The following MIPEP variants were observed in gnomAD, a reference collection of about 807,000 sequenced individuals.
MIPEP encodes mitochondrial intermediate peptidase.
A neutral mutation model predicts 90.3 loss-of-function variants in MIPEP; 79 were observed. The observed-to-expected ratio is 0.87, with a 90% CI of 0.73 to 1.05. The LOEUF (loss-of-function observed/expected upper bound fraction) is 1.05, where lower values mean the gene tolerates loss of function less well. Ranked by LOEUF, MIPEP falls within the 50% of genes least tolerant of loss-of-function variation. The pLI is 0.00. For synonymous variants in MIPEP, 334 were observed against 315.8 expected (o/e 1.06, Z -0.61); for missense variants, 940 against 905.6 (o/e 1.04, Z -0.49).
rs1413842989 is a variant in MIPEP, at chr13:23,886,851, A to T, written c.190-345T>A. 1.1e-4 allele frequency among the ~76,000 whole-genome samples: 16 copies of T among 152,090 alleles called. No individual in the cohort carries two copies. The East Asian group carries it at 2.7e-3, about 26-fold the overall frequency. On this transcript the variant is annotated intron_variant, in intron 1 of 18. Transcript: ENST00000382172. ...TATGTAAATATATATATATATATAC[A>T]TAAAGCAGTGTTTGGCACAGAGCAT...
intron 14 of MIPEP, among the ~76,000 whole-genome samples, chr13:23,816,211 T>C (rs953319218): frequency 2.0e-5 from 3 of 152,210 alleles, no homozygotes; most frequent in African/African-American, 7.2e-5. Context: ...TTTGGCAAAT[T>C]CTCAGTTATT....
intron 10 of MIPEP, among the ~76,000 whole-genome samples, 173 bp from the exon 11 acceptor site, chr13:23,841,661 C>CA (rs1161525706): frequency 6.6e-6 from 1 of 152,172 alleles, no homozygotes. Flanking sequence ...TTCAGAATGA[C>CA]AGTCTGATTA....
At chr13:23,834,678 C>T (rs1014007943) in intron 14 of MIPEP, among the ~76,000 whole-genome samples, 29 of 152,128 alleles carry the variant, frequency 1.9e-4, no homozygotes, top group African/African-American at 6.5e-4. Flanking sequence ...TCTCTTTTTC[C>T]CAGACCTCCT....
intron 18 of MIPEP, among the ~76,000 whole-genome samples, chr13:23,734,327 T>C (rs1952237307): frequency 1.3e-5 from 2 of 152,188 alleles, no homozygotes; most frequent in African/African-American, 4.8e-5. Flanking sequence ...CGTGTGTCCG[T>C]GTCCTTGTAT....
At chr13:23,884,228 G>C (rs898777547) in intron 2 of MIPEP, among the ~76,000 whole-genome samples, 1 of 146,476 alleles carries the variant, frequency 6.8e-6, no homozygotes, top group African/African-American at 2.5e-5. Flanking sequence ...GGAGGGGGGG[G>C]TGTGACTACA....
intron 18 of MIPEP, among the ~76,000 whole-genome samples, chr13:23,744,468 C>T (rs1952364320): frequency 6.6e-6 from 1 of 152,238 alleles, no homozygotes; most frequent in African/African-American, 2.4e-5. Flanking sequence ...TACCAGCCCA[C>T]ACAGGTGAGT....
At chr13:23,882,062 T>A (rs781708115) in intron 2 of MIPEP, among the ~76,000 whole-genome samples, 1 of 97,244 alleles carries the variant, frequency 1.0e-5, no homozygotes, top group Admixed American at 1.1e-4. Flanking sequence ...CCAAGCAAAT[T>A]CTTTCTTTCT....
chr13:23,856,174 G>C (rs1002676825), intron 10 of MIPEP, among the ~76,000 whole-genome samples: 28 of 152,200 alleles, frequency 1.8e-4, no homozygotes, highest in East Asian at 9.6e-4. Flanking sequence ...AAGCACAGCG[G>C]AGCCAGGAGC....
intron 10 of MIPEP, among the ~76,000 whole-genome samples, chr13:23,856,738 T>A (rs1484024024): frequency 6.6e-6 from 1 of 152,092 alleles, no homozygotes; most frequent in African/African-American, 2.4e-5. Flanking sequence ...GGTCAGGAGG[T>A]TGTGACCAGA....
chr13:23,878,896 C>A (rs898554508), intron 4 of MIPEP, among the ~76,000 whole-genome samples: 1 of 152,182 alleles, frequency 6.6e-6, no homozygotes, highest in Admixed American at 6.5e-5. Flanking sequence ...TAGTTGAGCA[C>A]TGACCACATG....
At chr13:23,858,978 G>T in intron 9 of MIPEP, 66 bp from the exon 10 acceptor site, 1 of 1,331,868 alleles carries the variant, frequency 7.5e-7, no homozygotes, top group Non-Finnish European at 1.1e-6. Context: ...TCAGCAACGT[G>T]GCCAGCCTAT....
rs555387574 is a variant in MIPEP at position 23,760,050 on chromosome 13, A to T, written c.1970+46T>A. On this transcript the variant is annotated intron_variant, in intron 17 of 18. Transcript: ENST00000382172. ...ACTTCCAGATGTAATAGAGTGGGGA[A>T]TTACTGTGGTCCAAGATGGGGACAT... is the stretch of plus-strand genomic sequence containing the variant. 18 of 1,612,296 alleles carry T rather than the reference A, an allele frequency of 1.1e-5. No individual in the cohort carries two copies. The East Asian group carries it at 3.1e-4, about 28-fold the overall frequency.
intron 7 of MIPEP, among the ~76,000 whole-genome samples, chr13:23,868,484 T>G (rs542693229): frequency 1.3e-5 from 2 of 152,120 alleles, no homozygotes; most frequent in South Asian, 4.2e-4. Flanking sequence ...AGGATTCAGG[T>G]TGTGATCTGC....
chr13:23,738,987 C>T (rs1246892313), intron 18 of MIPEP, among the ~76,000 whole-genome samples: 1 of 152,186 alleles, frequency 6.6e-6, no homozygotes, highest in Non-Finnish European at 1.5e-5. Flanking sequence ...ACCTGTTAAG[C>T]CTGAAAATGA....
intron 14 of MIPEP, among the ~76,000 whole-genome samples, chr13:23,817,356 G>A (rs1262545636): frequency 2.0e-5 from 3 of 152,150 alleles, no homozygotes; most frequent in Non-Finnish European, 4.4e-5. Flanking sequence ...GCATAGCTGA[G>A]CACTGTCTCA....
intron 16 of MIPEP, among the ~76,000 whole-genome samples, chr13:23,760,790 A>G (rs1041772992): frequency 6.6e-6 from 1 of 152,244 alleles, no homozygotes; most frequent in Non-Finnish European, 1.5e-5. Flanking sequence ...ATATAGATGT[A>G]TATGTTTTGC....
intron 14 of MIPEP, among the ~76,000 whole-genome samples, chr13:23,826,277 C>G (rs1335254406): frequency 6.6e-6 from 1 of 151,918 alleles, no homozygotes; most frequent in Non-Finnish European, 1.5e-5. Context: ...TTTGCTATAT[C>G]AAAAAATTAG....
chr13:23,854,446 A>T (rs1869961774), intron 10 of MIPEP, among the ~76,000 whole-genome samples: 1 of 152,132 alleles, frequency 6.6e-6, no homozygotes, highest in Non-Finnish European at 1.5e-5. Context: ...TCAAAAAAAA[A>T]GTCCTTCTGT....
chr13:23,808,790 GGTTTT>G (rs1265731976), intron 15 of MIPEP, among the ~76,000 whole-genome samples: 4 of 151,968 alleles, frequency 2.6e-5, no homozygotes, highest in African/African-American at 9.7e-5. Flanking sequence ...ATAGATTCAC[GGTTTT>G]GTCTATATAA....
Sources: gnomAD v4.1 joint callset for allele counts (sites outside exome capture counted in the v4.1 genomes callset) on GRCh38, gnomAD v4.1.1 for gene constraint, MANE v1.5 for transcripts, NCBI Gene and HGNC (gene_info 2026-07-23, HGNC 2026-07-21) for gene names.